The following PPP4R3B variants were observed in gnomAD, a reference collection of about 807,000 sequenced individuals.
PPP4R3B encodes protein phosphatase 4 regulatory subunit 3B, also known as serine/threonine-protein phosphatase 4 regulatory subunit 3B.
Under a neutral mutation model 95.4 loss-of-function variants are expected in PPP4R3B, and 52 were observed. That is an observed-to-expected ratio of 0.54 (90% CI 0.44 to 0.69). PPP4R3B has a LOEUF of 0.69. PPP4R3B is among the 30% of genes least tolerant of loss of function. The pLI, the probability that PPP4R3B is intolerant of heterozygous loss-of-function variation, is 0.00. For synonymous variants in PPP4R3B, 407 were observed against 343.9 expected (o/e 1.18, Z -2.03); for missense variants, 1,003 against 1,005.9 (o/e 1.00, Z 0.04).
In PPP4R3B at chr2:55,564,475, T is replaced by A. The variant is rs1687032707; in HGVS notation, c.2098A>T (p.Asn700Tyr). The A allele has an allele frequency of 6.2e-7, 1 of 1,611,542 alleles. No homozygotes were observed. The highest frequency in any genetic ancestry group is 1.1e-5 in the South Asian group (1 of 90,592). ...LNSVPSILRS[N>Y]RFRRDAKALE... Reference sequence around the variant, plus strand: ...GCTTTTGCATCTCTGCGAAATCTGTTACTACGCAATATAGATGGTACACTG... The same window carrying A: ...GCTTTTGCATCTCTGCGAAATCTGTAACTACGCAATATAGATGGTACACTG... The change falls in exon 15 of 17, where the codon AAC becomes TAC. Residue 700 changes from asparagine to tyrosine, a missense_variant. By Grantham distance (143) the Asn-to-Tyr change is moderately radical. Transcript: ENST00000616407.
intron 11 of PPP4R3B, among the ~76,000 whole-genome samples, chr2:55,576,873 T>C (rs1574769261): frequency 6.6e-6 from 1 of 152,090 alleles, no homozygotes. Flanking sequence ...GCAGAAAAGG[T>C]ATGGGACGGT....
chr2:55,553,228 T>C (rs1328197143), intron 16 of PPP4R3B, among the ~76,000 whole-genome samples: 3 of 152,162 alleles, frequency 2.0e-5, no homozygotes, highest in Admixed American at 1.3e-4. Flanking sequence ...TAAATTTAAA[T>C]TTTGTATACT....
At chr2:55,602,958 CTCTT>C (rs1692840882) in intron 3 of PPP4R3B, among the ~76,000 whole-genome samples, 1 of 146,204 alleles carries the variant, frequency 6.8e-6, no homozygotes, top group African/African-American at 2.5e-5. Flanking sequence ...AGGACGAATA[CTCTT>C]TTTTTTTTTT....
Position 55,548,095 on chromosome 2 carries a change from T to G in PPP4R3B, c.*1816A>C, listed in dbSNP as rs1684898320. The G allele has an allele frequency of 6.6e-6, 1 of 152,154 alleles. No individual in the cohort carries two copies. The highest frequency in any genetic ancestry group is 2.1e-4 in the South Asian group (1 of 4,826). 9.4% of individuals were successfully genotyped at this position (152,154 alleles called of 1,614,324 possible). ...ACCTGCCTTATGAGGTGGAAGGTCTTTCTTTCTTACTATATGTACACCTTT... is the reference window on the plus strand; with the variant it reads ...ACCTGCCTTATGAGGTGGAAGGTCTGTCTTTCTTACTATATGTACACCTTT... On this transcript the variant is annotated 3_prime_UTR_variant, in exon 17 of 17. Transcript: ENST00000616407.
At chr2:55,612,938 T>C (rs1270765283) in intron 2 of PPP4R3B, among the ~76,000 whole-genome samples, 1 of 144,834 alleles carries the variant, frequency 6.9e-6, no homozygotes, top group Non-Finnish European at 1.5e-5. Flanking sequence ...AGAGCGAGAC[T>C]CCATCTCAAA....
intron 7 of PPP4R3B, among the ~76,000 whole-genome samples, chr2:55,583,279 A>C (rs1689668750): frequency 6.6e-6 from 1 of 152,098 alleles, no homozygotes. Flanking sequence ...TTGTGGACTA[A>C]ATTATTTTGA....
chr2:55,615,669 C>T lies in PPP4R3B; in HGVS notation c.143-163G>A, dbSNP rs558351413. Among the ~76,000 whole-genome samples, 5 of 152,040 alleles carry T rather than the reference C, an allele frequency of 3.3e-5. No individual in the cohort carries two copies. The South Asian group carries it at 1.0e-3, about 32-fold the overall frequency. On this transcript the variant is annotated intron_variant, in intron 1 of 16. Transcript: ENST00000616407. ...AAGAGATCCAGACCATTCCAGCCAA[C>T]ATGGTGAAACCGTCTCTACTAAAAA... is the stretch of plus-strand genomic sequence containing the variant.
chr2:55,593,537 T>C (rs992834353), intron 4 of PPP4R3B, among the ~76,000 whole-genome samples: 1 of 152,150 alleles, frequency 6.6e-6, no homozygotes, highest in African/African-American at 2.4e-5. Context: ...GATAGGTATC[T>C]AGAAACACCT....
chr2:55,589,984 A>G (rs1466369093), intron 4 of PPP4R3B, among the ~76,000 whole-genome samples: 1 of 144,886 alleles, frequency 6.9e-6, no homozygotes, highest in African/African-American at 2.5e-5. Context: ...TATATATTTA[A>G]TATATTATAT....
intron 16 of PPP4R3B, among the ~76,000 whole-genome samples, chr2:55,556,532 T>C (rs1171729492): frequency 6.6e-6 from 1 of 151,904 alleles, no homozygotes; most frequent in East Asian, 1.9e-4. Flanking sequence ...TTCAAAGGTA[T>C]CTTTGTGGAG....
intron 9 of PPP4R3B, 144 bp downstream of exon 9, chr2:55,579,535 A>G (rs568451961): frequency 6.6e-5 from 30 of 456,674 alleles, no homozygotes; most frequent in Non-Finnish European, 1.0e-4. Context: ...AAACAAGAAA[A>G]TCATAATTTT....
chr2:55,558,035 C>T (rs962247976), intron 16 of PPP4R3B, among the ~76,000 whole-genome samples: 2 of 151,992 alleles, frequency 1.3e-5, no homozygotes, highest in Non-Finnish European at 1.5e-5. Context: ...AGAGTATACA[C>T]GATTGGAAAT....
intron 16 of PPP4R3B, among the ~76,000 whole-genome samples, chr2:55,550,592 A>C (rs973536148): frequency 2.0e-5 from 3 of 152,206 alleles, no homozygotes; most frequent in African/African-American, 7.2e-5. Context: ...GATGAGTAAC[A>C]GACCTCTGTG....
chr2:55,601,380 TTTTC>T (rs1157969078), intron 3 of PPP4R3B, among the ~76,000 whole-genome samples: 1 of 151,542 alleles, frequency 6.6e-6, no homozygotes, highest in Non-Finnish European at 1.5e-5. Context: ...CCAACTGTCT[TTTTC>T]TTTTTTTTTT....
intron 2 of PPP4R3B, among the ~76,000 whole-genome samples, chr2:55,609,385 T>G (rs978106040): frequency 1.3e-5 from 2 of 152,190 alleles, no homozygotes; most frequent in Non-Finnish European, 2.9e-5. Flanking sequence ...ATGTTCATTT[T>G]AAGACCTTTT....
intron 4 of PPP4R3B, among the ~76,000 whole-genome samples, chr2:55,594,425 A>T (rs1454805028): frequency 6.6e-6 from 1 of 152,202 alleles, no homozygotes; most frequent in Non-Finnish European, 1.5e-5. Flanking sequence ...CATCTCATGA[A>T]GCAGAAATGA....
At chr2:55,604,504 G>C (rs1379223818) in intron 2 of PPP4R3B, among the ~76,000 whole-genome samples, 2 of 151,090 alleles carry the variant, frequency 1.3e-5, no homozygotes, top group Middle Eastern at 3.5e-3. Context: ...ATAGGTTAAG[G>C]CTTAACTCTA....
intron 3 of PPP4R3B, among the ~76,000 whole-genome samples, chr2:55,603,624 A>G (rs371807869): frequency 2.4e-4 from 37 of 152,322 alleles, no homozygotes; most frequent in African/African-American, 8.4e-4. Context: ...CAGTATGCAT[A>G]AACATTAGGC....
chr2:55,566,227 T>C (rs1179596077), intron 13 of PPP4R3B, among the ~76,000 whole-genome samples: 1 of 152,104 alleles, frequency 6.6e-6, no homozygotes, highest in Non-Finnish European at 1.5e-5. Flanking sequence ...ACTTCTCAAT[T>C]GAAAAAAAAT....
Sources: allele counts gnomAD v4.1 joint callset (sites outside exome capture counted in the v4.1 genomes callset), GRCh38; gene constraint gnomAD v4.1.1; transcripts MANE v1.5; gene names NCBI Gene and HGNC (gene_info 2026-07-23, HGNC 2026-07-21).